Variants in NECAB2 observed in about 807,000 individuals in gnomAD.
NECAB2 encodes the protein N-terminal EF-hand calcium binding protein 2.
In NECAB2, 68 loss-of-function variants were observed where a neutral mutation model predicts 51.9. The ratio of observed to expected loss-of-function variants is 1.31; its 90% CI spans 1.08 to 1.60. The LOEUF (loss-of-function observed/expected upper bound fraction) is 1.60. Among genes scored for constraint, NECAB2 ranks in the 40% most tolerant of loss-of-function variants. The probability of loss-of-function intolerance (pLI) is 0.00; values close to 1 mark genes in which losing one functional copy is unlikely to be tolerated. For synonymous variants in NECAB2, 329 were observed against 203.5 expected (o/e 1.62, Z -5.25); for missense variants, 854 against 490.3 (o/e 1.74, Z -7.00).
chr16:83,990,539 C>T lies in NECAB2; in HGVS notation c.505C>T (p.Leu169Phe), dbSNP rs753561740. The T allele has an allele frequency of 6.2e-7, 1 of 1,614,178 alleles. No homozygotes were observed. The highest frequency in any genetic ancestry group is 8.5e-7 in the Non-Finnish European group (1 of 1,180,046). The change falls in exon 6 of 13, where the codon CTC becomes TTC. Residue 169 changes from leucine (L) to phenylalanine (F), a missense_variant. Leu to Phe is a conservative substitution (Grantham distance 22). Coordinates refer to ENST00000305202, the MANE Select transcript of NECAB2 (RefSeq NM_019065.3). Reference sequence around the variant, plus strand: ...CGTGGACCAGTTTGTGACCCGCTTCCTCCTGAAGGAGACGGCCAATCAGAT... The same window carrying T: ...CGTGGACCAGTTTGTGACCCGCTTCTTCCTGAAGGAGACGGCCAATCAGAT... ...SNVDQFVTRF[L>F]LKETANQIQS...
chr16:83,966,068 T>TCCAGCAG, upstream of NECAB2: 1 of 1,305,242 alleles, frequency 7.7e-7, no homozygotes, highest in Non-Finnish European at 1.0e-6. Flanking sequence ...ACATCCCTGC[T>TCCAGCAG]GGATGCAGGA....
At chr16:83,998,449 T>G in intron 10 of NECAB2, 132 bp downstream of exon 10, 2 of 827,748 alleles carry the variant, frequency 2.4e-6, no homozygotes, top group Middle Eastern at 3.4e-4. Flanking sequence ...GCTGGATGCG[T>G]AAGAAGTGGG....
At chr16:83,979,774 C>T (rs1029246140) in intron 3 of NECAB2, among the ~76,000 whole-genome samples, 6 of 151,954 alleles carry the variant, frequency 3.9e-5, no homozygotes, top group African/African-American at 1.5e-4. Flanking sequence ...AGGGAGGACT[C>T]GCGGTTATGG....
chr16:83,981,663 C>T (rs983902712), intron 5 of NECAB2, among the ~76,000 whole-genome samples: 2 of 152,144 alleles, frequency 1.3e-5, no homozygotes, highest in Non-Finnish European at 2.9e-5. Flanking sequence ...ACAGCCATAG[C>T]TGCTGGCTGG....
At chr16:83,994,492 G>A (rs1210448730) in intron 7 of NECAB2, 72 bp downstream of exon 7, 4 of 1,587,444 alleles carry the variant, frequency 2.5e-6, no homozygotes, top group East Asian at 4.5e-5. Context: ...TCCTCTGACA[G>A]GGACTGGGGA....
Position 83,975,217 on chromosome 16 carries a change from G to A in NECAB2, c.226+3042G>A, listed in dbSNP as rs1222383607. Among the ~76,000 whole-genome samples the A allele has an allele frequency of 2.1e-5, 3 of 145,246 alleles. No homozygotes were observed. In the East Asian group the frequency reaches 6.2e-4, roughly 30 times the overall value. ...AGGTGTTGGTGCGGGGATGGGAACA[G>A]GTGTGCAGGGAGGTGTTGGTGCGGG... On this transcript the variant is annotated intron_variant, in intron 2 of 12. Coordinates refer to ENST00000305202, the MANE Select transcript of NECAB2 (RefSeq NM_019065.3).
chr16:84,001,924 G>A lies in NECAB2; in HGVS notation c.1132+8G>A, dbSNP rs1310189394. Reference sequence around the variant, plus strand: ...CCAGGATCTTGGTGCCAGGTAGGGGGCAAAGGCCTGGAACTGCAGTGGCCA... The same window carrying A: ...CCAGGATCTTGGTGCCAGGTAGGGGACAAAGGCCTGGAACTGCAGTGGCCA... On this transcript the variant is annotated splice_region_variant and intron_variant, in intron 12 of 12. Coordinates refer to ENST00000305202, the MANE Select transcript of NECAB2 (RefSeq NM_019065.3). 3.1e-6 allele frequency: 5 copies of A among 1,613,444 alleles called. No individual in the cohort carries two copies. In the East Asian group the frequency reaches 6.7e-5, roughly 22 times the overall value.
At chr16:83,970,363 C>T (rs987406512) in intron 1 of NECAB2, among the ~76,000 whole-genome samples, 1 of 151,982 alleles carries the variant, frequency 6.6e-6, no homozygotes, top group Non-Finnish European at 1.5e-5. Context: ...AGATAGGGAC[C>T]CCAGTTTTGA....
At chr16:83,975,724 C>T (rs79546309) in intron 2 of NECAB2, among the ~76,000 whole-genome samples, 1,722 of 152,250 alleles carry the variant, frequency 0.011, 29 homozygotes, top group African/African-American at 0.039. Flanking sequence ...CAGCATTTCC[C>T]TTCAGGGACA....
At chr16:83,998,801 T>TCTCCCGCTC (rs1555549550) in intron 10 of NECAB2, among the ~76,000 whole-genome samples, 1 of 151,706 alleles carries the variant, frequency 6.6e-6, no homozygotes, top group African/African-American at 2.4e-5. Flanking sequence ...TAGTTGCCCT[T>TCTCCCGCTC]CTCCCCCTGA....
chr16:83,988,112 C>CTT (rs1411256691), intron 5 of NECAB2, among the ~76,000 whole-genome samples: 1 of 152,170 alleles, frequency 6.6e-6, no homozygotes, highest in Non-Finnish European at 1.5e-5. Context: ...CTTTGTGCTG[C>CTT]TTTGGTTTAG....
chr16:83,999,761 C>A (rs377400454), intron 10 of NECAB2, among the ~76,000 whole-genome samples: 17 of 152,234 alleles, frequency 1.1e-4, no homozygotes, highest in African/African-American at 4.1e-4. Context: ...CCCAGCACCC[C>A]CTCCCCTCAG....
intron 5 of NECAB2, among the ~76,000 whole-genome samples, chr16:83,986,573 C>T (rs2084559053): frequency 1.3e-5 from 2 of 152,202 alleles, no homozygotes; most frequent in East Asian, 1.9e-4. Flanking sequence ...AGTACAGTGG[C>T]ACAGTCATTA....
At chr16:83,965,218 C>T, upstream of NECAB2, 3 of 1,612,954 alleles carry the variant, frequency 1.9e-6, no homozygotes, top group South Asian at 2.2e-5. Flanking sequence ...GGGCCCAGGA[C>T]TCCAGCCCCC....
chr16:83,966,084 C>G, upstream of NECAB2: 8 of 1,201,076 alleles, frequency 6.7e-6, no homozygotes, highest in Non-Finnish European at 7.9e-6. Flanking sequence ...CAGGACCCGT[C>G]CAAAGATGCC....
At chr16:83,996,538 A>G (rs1236973085) in intron 8 of NECAB2, among the ~76,000 whole-genome samples, 1 of 152,074 alleles carries the variant, frequency 6.6e-6, no homozygotes, top group Admixed American at 6.5e-5. Flanking sequence ...AGAGATAGCC[A>G]CAGAGGTGGT....
rs547940342 is a variant in NECAB2, at chr16:83,992,845, C to T, written c.597-1457C>T. Among the ~76,000 whole-genome samples, 7 of 152,284 alleles carry T rather than the reference C, an allele frequency of 4.6e-5. No individual in the cohort carries two copies. In the South Asian group the frequency reaches 8.3e-4, roughly 18 times the overall value. ...TGGGTGCCCCAGAATTAGCAGCCAT[C>T]GCTGTGAAAAAAGCTGACACTTAGA... On this transcript the variant is annotated intron_variant, in intron 6 of 12. Coordinates refer to ENST00000305202, the MANE Select transcript of NECAB2 (RefSeq NM_019065.3).
At position 83,968,421 on chromosome 16, in the gene NECAB2, C is replaced by T. The variant is rs1487013217; in HGVS notation, c.-228C>T. Among the ~76,000 whole-genome samples the T allele has an allele frequency of 6.7e-6, 1 of 148,464 alleles. No homozygotes were observed. The highest frequency in any genetic ancestry group is 2.4e-5 in the African/African-American group (1 of 40,908). On this transcript the variant is annotated 5_prime_UTR_variant, in exon 1 of 13. Transcript: ENST00000305202. Reference sequence around the variant, plus strand: ...TCGCCCCGGCGGGCAGTCCTCAGGCCCCGCGCCCGGCCGGCGGGGGTGGGG... The same window carrying T: ...TCGCCCCGGCGGGCAGTCCTCAGGCTCCGCGCCCGGCCGGCGGGGGTGGGG...
chr16:83,995,096 C>G lies in NECAB2; in HGVS notation c.795+408C>G, dbSNP rs566106051. On this transcript the variant is annotated intron_variant, in intron 8 of 12. Transcript: ENST00000305202. Reference sequence around the variant, plus strand: ...GAGACGTGATGATTCGAGAGAGTTTCAAAACAAGGAAGGAAGTGACCAGCA... The same window carrying G: ...GAGACGTGATGATTCGAGAGAGTTTGAAAACAAGGAAGGAAGTGACCAGCA... 2.6e-5 allele frequency among the ~76,000 whole-genome samples: 4 copies of G among 152,242 alleles called. No homozygotes were observed. The South Asian group carries it at 6.2e-4, about 24-fold the overall frequency.
Sources: allele counts gnomAD v4.1 joint callset (sites outside exome capture counted in the v4.1 genomes callset), GRCh38; gene constraint gnomAD v4.1.1; transcripts MANE v1.5; gene names NCBI Gene and HGNC (gene_info 2026-07-23, HGNC 2026-07-21).